Variants in KIAA1549 observed in about 807,000 individuals in gnomAD.
The protein encoded by KIAA1549 is KIAA1549.
In KIAA1549, 70 loss-of-function variants were observed where a neutral mutation model predicts 156.4. That is an observed-to-expected ratio of 0.45 (90% CI 0.37 to 0.55). The LOEUF (loss-of-function observed/expected upper bound fraction) is 0.55. Among genes scored for constraint, KIAA1549 ranks in the 20% least tolerant of loss-of-function variants. The pLI is 0.00. For synonymous variants in KIAA1549, 1,103 were observed against 1,066.4 expected (o/e 1.03, Z -0.67); for missense variants, 2,428 against 2,540.9 (o/e 0.96, Z 0.96).
chr7:138,887,826 A>G (rs1236274654), intron 10 of KIAA1549, among the ~76,000 whole-genome samples: 1 of 152,230 alleles, frequency 6.6e-6, no homozygotes, highest in Non-Finnish European at 1.5e-5. Context: ...CCACGTTGGG[A>G]AACTGTGAAC....
chr7:138,866,338 G>A (rs1810739543), intron 15 of KIAA1549, among the ~76,000 whole-genome samples: 1 of 152,208 alleles, frequency 6.6e-6, no homozygotes, highest in Non-Finnish European at 1.5e-5. Flanking sequence ...GCACATTTGT[G>A]TAATTATATT....
chr7:138,966,066 G>T (rs1343632945), intron 1 of KIAA1549, among the ~76,000 whole-genome samples: 1 of 152,064 alleles, frequency 6.6e-6, no homozygotes, highest in Non-Finnish European at 1.5e-5. Flanking sequence ...TGCTTGTCTT[G>T]CCCCCTTGCC....
chr7:138,943,660 T>C (rs535535075), intron 1 of KIAA1549, among the ~76,000 whole-genome samples: 46 of 152,188 alleles, frequency 3.0e-4, no homozygotes, highest in African/African-American at 4.3e-4. Flanking sequence ...CCATCCTGGC[T>C]AACATGGTGA....
intron 8 of KIAA1549, among the ~76,000 whole-genome samples, chr7:138,903,056 T>G (rs557394722): frequency 2.0e-5 from 3 of 152,278 alleles, no homozygotes; most frequent in African/African-American, 7.2e-5. Context: ...GAGAGGCGAT[T>G]TTGCTCAGAA....
rs1201149697 is a variant in KIAA1549 at position 138,905,060 on chromosome 7, T to C, written c.3482A>G (p.Asn1161Ser). 5.7e-6 allele frequency: 9 copies of C among 1,577,430 alleles called. No individual in the cohort carries two copies. In the South Asian group the frequency reaches 9.3e-5, roughly 16 times the overall value. The change falls in exon 7 of 20, where the codon AAC becomes AGC. Residue 1161 changes from asparagine (N) to serine (S), a missense_variant. Transcript: ENST00000422774. ...AGAGGACTTCAGCAACTGAGATAAG[T>C]TGAGCTGTGGATACTGGAAGGCTAC... ...IAEPFQYPQL[N>S]LSQLLKSSWV...
chr7:138,903,864 C>CGT lies in KIAA1549; in HGVS notation c.3521-129_3521-128insAC, dbSNP rs150868084. On this transcript the variant is annotated intron_variant, in intron 7 of 19. Transcript: ENST00000422774. ...GTGTGTGTGTGTGTGCGCGCGCGCG[C>CGT]GCGCGCACATATGTATTTGAAATTA... 9,153 of 627,722 alleles carry CGT rather than the reference C, an allele frequency of 0.015. 744 individuals carry two copies. In the African/African-American group the frequency reaches 0.15, roughly 10 times the overall value. 38.9% of individuals were successfully genotyped at this position (627,722 alleles called of 1,614,324 possible).
intron 1 of KIAA1549, among the ~76,000 whole-genome samples, chr7:138,969,740 G>C (rs1299730544): frequency 6.6e-6 from 1 of 152,002 alleles, no homozygotes; most frequent in African/African-American, 2.4e-5. Flanking sequence ...TTACAGGCCT[G>C]CACCACCATG....
chr7:138,916,699 C>T (rs758037733), intron 2 of KIAA1549, 49 bp downstream of exon 2: 1 of 1,600,090 alleles, frequency 6.2e-7, no homozygotes, highest in South Asian at 1.1e-5. Flanking sequence ...ACACAAGCTC[C>T]TTAGAAAGAT....
chr7:138,980,051 A>G (rs1160051647), intron 1 of KIAA1549, among the ~76,000 whole-genome samples: 1 of 152,208 alleles, frequency 6.6e-6, no homozygotes, highest in Non-Finnish European at 1.5e-5. Context: ...ATGTGTTCCA[A>G]TTCCTCCCAG....
chr7:138,888,174 C>T (rs1344277078), intron 10 of KIAA1549, among the ~76,000 whole-genome samples: 3 of 152,172 alleles, frequency 2.0e-5, no homozygotes, highest in Admixed American at 6.5e-5. Flanking sequence ...CTGGCAGGCA[C>T]CCTTGTCCAC....
At chr7:138,953,534 G>A (rs574681606) in intron 1 of KIAA1549, among the ~76,000 whole-genome samples, 14 of 152,090 alleles carry the variant, frequency 9.2e-5, no homozygotes, top group African/African-American at 1.9e-4. Flanking sequence ...ACAAAAAAGC[G>A]TAAATCTACA....
rs75712779 is a variant in KIAA1549 at position 138,879,039 on chromosome 7, G to A, written c.4345+499C>T. ...GTGAAGTTCATTTTATACCTGGCCTGTGAAGCTGTCTGTGACTCCCAAAGT... is the reference window on the plus strand; with the variant it reads ...GTGAAGTTCATTTTATACCTGGCCTATGAAGCTGTCTGTGACTCCCAAAGT... On this transcript the variant is annotated intron_variant, in intron 12 of 19. Coordinates refer to ENST00000422774, the MANE Select transcript of KIAA1549 (RefSeq NM_001164665.2). Among the ~76,000 whole-genome samples the A allele has an allele frequency of 7.5e-3, 1,136 of 152,278 alleles. 10 individuals carry two copies. The highest frequency in any genetic ancestry group is 0.025 in the African/African-American group (1,026 of 41,542).
At chr7:138,965,433 C>T (rs541895895) in intron 1 of KIAA1549, among the ~76,000 whole-genome samples, 7 of 152,246 alleles carry the variant, frequency 4.6e-5, no homozygotes, top group East Asian at 1.9e-4. Context: ...TCAAGCAATC[C>T]GCCCACCTCA....
chr7:138,981,099 C>T lies in KIAA1549; in HGVS notation c.171G>A (p.Pro57=). ...PGLWLLLLAR[P]ASCAPDELSP... ...GGAGCTTACCTGGGGCGCACGAGGC[C>T]GGCCGGGCCAGCAGCAGCAGCCAGA... is the stretch of plus-strand genomic sequence containing the variant. Residue 57 remains proline, a synonymous_variant, in exon 1 of 20, where the codon CCG becomes CCA. Transcript: ENST00000422774. This position sits in a 1 kb window ranked among gnomAD's most constrained non-coding sequence, Gnocchi z 4.5. The T allele has an allele frequency of 2.5e-6, 3 of 1,224,374 alleles. No homozygotes were observed. The highest frequency in any genetic ancestry group is 3.1e-6 in the Non-Finnish European group (3 of 982,786). The allele number at this position is 1,224,374 out of a possible 1,614,324, so 75.8% of individuals were successfully genotyped here.
At chr7:138,873,917 T>G (rs1811006238) in intron 12 of KIAA1549, among the ~76,000 whole-genome samples, 1 of 150,174 alleles carries the variant, frequency 6.7e-6, no homozygotes, top group African/African-American at 2.4e-5. Context: ...CTTTAAATTT[T>G]TTTACATATA....
At chr7:138,890,623 G>A (rs1563065122) in intron 10 of KIAA1549, among the ~76,000 whole-genome samples, 1 of 152,208 alleles carries the variant, frequency 6.6e-6, no homozygotes, top group Non-Finnish European at 1.5e-5. Context: ...AGCTGTGGGT[G>A]AACTGAGACC....
At chr7:138,927,802 G>A (rs1429548406) in intron 1 of KIAA1549, among the ~76,000 whole-genome samples, 1 of 152,098 alleles carries the variant, frequency 6.6e-6, no homozygotes, top group Non-Finnish European at 1.5e-5. Context: ...ATGTCCACAT[G>A]TTTACCAATC....
At chr7:138,922,957 TA>T (rs201338366) in intron 1 of KIAA1549, among the ~76,000 whole-genome samples, 1 of 149,496 alleles carries the variant, frequency 6.7e-6, no homozygotes. Flanking sequence ...GAGGGTGAAT[TA>T]AAAAAAAAGA....
intron 9 of KIAA1549, among the ~76,000 whole-genome samples, chr7:138,896,410 C>A (rs1186922892): frequency 6.6e-6 from 1 of 152,168 alleles, no homozygotes; most frequent in Non-Finnish European, 1.5e-5. Flanking sequence ...AGAGCACAGG[C>A]TGCATGGGAT....
Sources: allele counts gnomAD v4.1 joint callset (sites outside exome capture counted in the v4.1 genomes callset), GRCh38; gene constraint gnomAD v4.1.1; non-coding constraint Gnocchi (gnomAD v3.1); transcripts MANE v1.5; gene names NCBI Gene and HGNC (gene_info 2026-07-23, HGNC 2026-07-21).